GPRC5D: variants seen among roughly 807,000 people sequenced by gnomAD.
GPRC5D encodes G protein-coupled receptor family C group 5 member D.
A neutral mutation model predicts 29.3 loss-of-function variants in GPRC5D; 20 were observed. That is an observed-to-expected ratio of 0.68 (90% CI 0.48 to 0.99). GPRC5D has a LOEUF of 0.99. Ranked by LOEUF, GPRC5D falls within the 50% of genes least tolerant of loss-of-function variation. GPRC5D has a pLI of 0.00. For synonymous variants in GPRC5D, 178 were observed against 171.3 expected (o/e 1.04, Z -0.30); for missense variants, 384 against 423.6 (o/e 0.91, Z 0.82).
At chr12:12,950,993 C>T (rs1380291876), upstream of GPRC5D, among the ~76,000 whole-genome samples, 1 of 149,846 alleles carries the variant, frequency 6.7e-6, no homozygotes, top group Non-Finnish European at 1.5e-5. Flanking sequence ...GCTTATATTC[C>T]CAACTACTTG....
chr12:12,941,263 A>G (rs74916587), intron 2 of GPRC5D, among the ~76,000 whole-genome samples: 3,218 of 152,280 alleles, frequency 0.021, 104 homozygotes, highest in African/African-American at 0.074. Context: ...TTCTTTGTCA[A>G]TAACAAAAGA....
At chr12:12,946,362 TTTC>T (rs1244991458) in intron 1 of GPRC5D, among the ~76,000 whole-genome samples, 59 of 149,534 alleles carry the variant, frequency 3.9e-4, no homozygotes, top group African/African-American at 1.4e-3. Flanking sequence ...TCTTTCTTTC[TTTC>T]TTTTCTTTCT....
chr12:12,949,745 TGGA>T (rs1565480408), exon 1 of GPRC5D: 2 of 1,613,946 alleles, frequency 1.2e-6, no homozygotes, highest in African/African-American at 2.7e-5. Flanking sequence ...CAGATGATGA[TGGA>T]GAAGAGCACA....
exon 1 of GPRC5D, chr12:12,950,350 T>G (rs768770216): frequency 2.5e-6 from 4 of 1,610,454 alleles, no homozygotes; most frequent in Non-Finnish European, 3.4e-6. Context: ...GAGAAGAAAA[T>G]AGTCTCCAGT....
At position 12,942,428 on chromosome 12, in the gene GPRC5D, C is replaced by T. The variant is rs112777407; in HGVS notation, c.896-100G>A. On this transcript the variant is annotated intron_variant, in intron 1 of 2. Coordinates refer to ENST00000228887, the Ensembl canonical transcript of GPRC5D. ...AAACTCCATGGCTTGCAAACAGGCT[C>T]TTCACTCTTTAAAAGGAATTCTGAG... 2,610 of 766,798 alleles carry T rather than the reference C, an allele frequency of 3.4e-3. 30 individuals are homozygous for T. Among genetic ancestry groups the T allele is most frequent in the African/African-American group, 0.026 (1,514 of 58,050 alleles). The allele number at this position is 766,798 out of a possible 1,614,324, so 47.5% of individuals were successfully genotyped here.
At chr12:12,948,125 T>A (rs1863401415) in intron 1 of GPRC5D, 1 of 152,168 alleles carries the variant, frequency 6.6e-6, no homozygotes, top group Admixed American at 6.5e-5. Flanking sequence ...CTCAGTGTAT[T>A]TTGGTTTATT....
Position 12,944,812 on chromosome 12 carries a change from T to C in GPRC5D, c.896-2484A>G, listed in dbSNP as rs1261362390. Among the ~76,000 whole-genome samples the C allele has an allele frequency of 1.8e-3, 18 of 10,186 alleles. 1 individual carries two copies. Among genetic ancestry groups the C allele is most frequent in the African/African-American group, 3.3e-3 (18 of 5,398 alleles). 6.7% of individuals were successfully genotyped at this position (10,186 alleles called of 152,430 possible). Reference sequence around the variant, plus strand: ...TCCTTCCTTCCTTCCCTTCCTTCCTTCCTTCCTTCCTTCCTTCCTTCCTTC... The same window carrying C: ...TCCTTCCTTCCTTCCCTTCCTTCCTCCCTTCCTTCCTTCCTTCCTTCCTTC... On this transcript the variant is annotated intron_variant, in intron 1 of 2. Coordinates refer to ENST00000228887, the Ensembl canonical transcript of GPRC5D.
chr12:12,947,404 T>C (rs961492018), intron 1 of GPRC5D, among the ~76,000 whole-genome samples: 2 of 152,226 alleles, frequency 1.3e-5, no homozygotes, highest in African/African-American at 4.8e-5. Context: ...ATCATTCCTC[T>C]AAATTTTGAT....
chr12:12,940,893 A>G, intron 2 of GPRC5D, 44 bp from the exon 4 acceptor site: 1 of 1,231,876 alleles, frequency 8.1e-7, no homozygotes, highest in Non-Finnish European at 1.2e-6. Context: ...GAGCAACAAA[A>G]GAAATGATAT....
intron 1 of GPRC5D, among the ~76,000 whole-genome samples, chr12:12,946,288 CTTTCTTCCTTCCTTCCTTCCT>C (rs1565478240): frequency 3.5e-5 from 3 of 85,688 alleles, no homozygotes; most frequent in Non-Finnish European, 7.4e-5. Flanking sequence ...TCCTTCCTTC[CTTTCTTCCTTCCTTCCTTCCT>C]TTTCTTTCTT....
intron 2 of GPRC5D, 21 bp downstream of exon 3, chr12:12,942,240 A>C (rs1177905763): frequency 1.3e-6 from 2 of 1,512,972 alleles, no homozygotes; most frequent in South Asian, 2.2e-5. Flanking sequence ...CTCCTGGGTG[A>C]ATATAGGCGA....
exon 1 of GPRC5D, chr12:12,949,995 C>T (rs1458309859): frequency 8.7e-6 from 14 of 1,614,004 alleles, no homozygotes; most frequent in African/African-American, 1.3e-5. Context: ...TAGCAATGCA[C>T]AGAATTGTCG....
At chr12:12,945,122 G>A (rs928817268) in intron 1 of GPRC5D, among the ~76,000 whole-genome samples, 6 of 151,236 alleles carry the variant, frequency 4.0e-5, no homozygotes, top group Non-Finnish European at 8.8e-5. Context: ...TCCTGCCTCA[G>A]CCTCACAAGT....
At chr12:12,949,072 C>A (rs971319153) in intron 1 of GPRC5D, among the ~76,000 whole-genome samples, 1 of 152,192 alleles carries the variant, frequency 6.6e-6, no homozygotes, top group African/African-American at 2.4e-5. Flanking sequence ...AAATGTCCAT[C>A]ACTGCTGCCA....
rs146301633 is a variant in GPRC5D at position 12,945,299 on chromosome 12, C to T, written c.896-2971G>A. 2.6e-3 allele frequency among the ~76,000 whole-genome samples: 402 copies of T among 152,200 alleles called. 1 individual carries two copies. The highest frequency in any genetic ancestry group is 9.0e-3 in the African/African-American group (373 of 41,526). Reference sequence around the variant, plus strand: ...GGATCACAGGCATGAGCCACCACGCCGGGCCAACGCTTTCAAATACAGATG... The same window carrying T: ...GGATCACAGGCATGAGCCACCACGCTGGGCCAACGCTTTCAAATACAGATG... On this transcript the variant is annotated intron_variant, in intron 1 of 2. Coordinates refer to ENST00000228887, the Ensembl canonical transcript of GPRC5D.
intron 2 of GPRC5D, among the ~76,000 whole-genome samples, chr12:12,941,335 C>T (rs915503291): frequency 2.6e-5 from 4 of 152,180 alleles, no homozygotes; most frequent in Admixed American, 6.5e-5. Flanking sequence ...AATCTTTTTG[C>T]AAGCAAGGTT....
At chr12:12,946,695 T>C (rs1441604774) in intron 1 of GPRC5D, among the ~76,000 whole-genome samples, 1 of 152,122 alleles carries the variant, frequency 6.6e-6, no homozygotes, top group Admixed American at 6.5e-5. Context: ...CCTCAGGTGA[T>C]CTGCCTGCCT....
intron 1 of GPRC5D, among the ~76,000 whole-genome samples, chr12:12,944,822 C>T (rs1406035068): frequency 0.45 from 8,247 of 18,386 alleles, 2,408 homozygotes; most frequent in Middle Eastern, 0.68. Context: ...TCCTTCCTTC[C>T]TTCCTTCCTT....
intron 2 of GPRC5D, 150 bp downstream of exon 3, chr12:12,942,111 T>A: frequency 1.6e-6 from 1 of 643,114 alleles, no homozygotes; most frequent in East Asian, 2.6e-5. Flanking sequence ...TAAATCTGGG[T>A]GGCTCAAGCT....
Sources: gnomAD v4.1 joint callset for allele counts (sites outside exome capture counted in the v4.1 genomes callset) on GRCh38, gnomAD v4.1.1 for gene constraint, MANE v1.5 for transcripts, NCBI Gene and HGNC (gene_info 2026-07-23, HGNC 2026-07-21) for gene names.